Variants in NSMF observed in about 807,000 individuals in gnomAD.
NSMF encodes nasal embryonic LHRH factor.
A neutral mutation model predicts 71.0 loss-of-function variants in NSMF; 31 were observed. That is an observed-to-expected ratio of 0.44 (90% CI 0.33 to 0.59). The LOEUF is 0.59. Ranked by LOEUF, NSMF falls within the 20% of genes least tolerant of loss-of-function variation. The pLI is 0.04. For synonymous variants in NSMF, 345 were observed against 287.1 expected (o/e 1.20, Z -2.04); for missense variants, 673 against 740.5 (o/e 0.91, Z 1.06).
In NSMF at chr9:137,457,699, G is replaced by A. The variant is rs1041796056; in HGVS notation, c.336C>T (p.Pro112=). 1.5e-5 allele frequency: 24 copies of A among 1,552,284 alleles called. No homozygotes were observed. The highest frequency in any genetic ancestry group is 2.0e-5 in the Non-Finnish European group (23 of 1,148,034). Residue 112 remains proline, a synonymous_variant, in exon 3 of 16, where the codon CCC becomes CCT. Transcript: ENST00000371475. ...GCTCAATGGCCTCCGCCTCAGGGCT[G>A]GGCAGCAGGGCAGGCTCCCCAGAGA... ...YTISGEPALL[P]SPEAEAIELA...
chr9:137,454,363 C>A (rs910369482), intron 7 of NSMF, 28 bp downstream of exon 7: 4 of 1,546,752 alleles, frequency 2.6e-6, no homozygotes, highest in Non-Finnish European at 3.5e-6. Context: ...CAACGCCGCC[C>A]CCCCACCCCC....
chr9:137,457,455 C>G lies in NSMF; in HGVS notation c.580G>C (p.Gly194Arg), dbSNP rs751687962. ...ATCCTCTCCAGCTTCTTGCGGCGAC[C>G]GGAGGTCTCAGGCAGAGGTGGCTGG... ...LDQPPLPETS[G>R]RRKKLERMYS... The change falls in exon 3 of 16, where the codon GGT (glycine) becomes CGT (arginine). Residue 194 changes from glycine (G) to arginine (R), a missense_variant. By Grantham distance (125) the Gly-to-Arg change is moderately radical. Transcript: ENST00000371475. 6.8e-6 allele frequency: 11 copies of G among 1,612,740 alleles called. No individual in the cohort carries two copies. Among genetic ancestry groups the G allele is most frequent in the Admixed American group, 5.0e-5 (3 of 60,008 alleles).
At chr9:137,454,346 C>A (rs755350827) in intron 7 of NSMF, 45 bp downstream of exon 7, 1 of 1,535,088 alleles carries the variant, frequency 6.5e-7, no homozygotes, top group Admixed American at 2.0e-5. Flanking sequence ...CCCCAACCAG[C>A]CAAGCGCAAC....
rs546050718 is a variant in NSMF at position 137,453,318 on chromosome 9, C to T, written c.923-138G>A. ...AGTGGGAGGACCATACAGAGGTCGC[C>T]GCCAGCCCGGCAGGACAGGCCTGTG... On this transcript the variant is annotated intron_variant, in intron 8 of 15. Coordinates refer to ENST00000371475, the MANE Select transcript of NSMF (RefSeq NM_001130969.3). This position sits in a 1 kb window ranked among gnomAD's most constrained non-coding sequence, Gnocchi z 4.5. 106 of 1,261,238 alleles carry T rather than the reference C, an allele frequency of 8.4e-5. No individual in the cohort carries two copies. The African/African-American group carries it at 1.3e-3, about 16-fold the overall frequency. The allele number at this position is 1,261,238 out of a possible 1,614,324, so 78.1% of individuals were successfully genotyped here. A position where few individuals can be genotyped will look rare whatever the true frequency, so the allele number is the denominator to read the frequency against.
chr9:137,456,394 G>A lies in NSMF; in HGVS notation c.704+17C>T, dbSNP rs549865756. 9.7e-5 allele frequency: 156 copies of A among 1,602,778 alleles called. 3 individuals are homozygous for A. The South Asian group carries it at 1.4e-3, about 14-fold the overall frequency. On this transcript the variant is annotated intron_variant, in intron 4 of 15. Transcript: ENST00000371475. The stretch of plus-strand genomic sequence containing the variant: ...GACCACCCAACCCTGACCCCAAGTC[G>A]TGGGCACAAGACTCACGCTTGCATA...
At chr9:137,454,843 CCTGCAGGAGCCCCCT>C in intron 6 of NSMF, 1 of 1,144,892 alleles carries the variant, frequency 8.7e-7, no homozygotes, top group Non-Finnish European at 1.2e-6. Flanking sequence ...GGGCTGGGGG[CCTGCAGGAGCCCCCT>C]CTCCTGCTCT....
In NSMF at chr9:137,453,536, A is replaced by C. The variant is rs1366764175; in HGVS notation, c.922+195T>G. The C allele has an allele frequency of 2.9e-5, 18 of 610,412 alleles. No homozygotes were observed. Among genetic ancestry groups the C allele is most frequent in the African/African-American group, 2.2e-4 (12 of 53,988 alleles). The allele number at this position is 610,412 out of a possible 1,614,324, so 37.8% of individuals were successfully genotyped here. On this transcript the variant is annotated intron_variant, in intron 8 of 15. Transcript: ENST00000371475. The surrounding 1 kb of genome is among the most constrained non-coding windows in gnomAD (Gnocchi z 4.5). ...CACGGCCCTACAGGCGCCCCCGGCCAGCACTGCCGCGGCCGTTGTTAGCCC... is the reference window on the plus strand; with the variant it reads ...CACGGCCCTACAGGCGCCCCCGGCCCGCACTGCCGCGGCCGTTGTTAGCCC...
In NSMF at chr9:137,457,411, C is replaced by G; in HGVS notation, c.624G>C (p.Val208=). 2 of 1,612,936 alleles carry G rather than the reference C, an allele frequency of 1.2e-6. No individual in the cohort carries two copies. The highest frequency in any genetic ancestry group is 1.7e-6 in the Non-Finnish European group (2 of 1,180,008). The change falls in exon 3 of 16, where the codon GTG becomes GTC. Residue 208 remains valine (V), a synonymous_variant. Transcript: ENST00000371475. ...GCCCTGACACAAACCCCTCACCAGACACACGGTCAACGCTGTACATCCTCT... is the reference window on the plus strand; with the variant it reads ...GCCCTGACACAAACCCCTCACCAGAGACACGGTCAACGCTGTACATCCTCT... ...KLERMYSVDR[V]SDDIPIRTWF...
Position 137,453,523 on chromosome 9 carries a change from G to A in NSMF, c.922+208C>T. On this transcript the variant is annotated intron_variant, in intron 8 of 15. Coordinates refer to ENST00000371475, the MANE Select transcript of NSMF (RefSeq NM_001130969.3). The surrounding 1 kb of genome is among the most constrained non-coding windows in gnomAD (Gnocchi z 4.5). ...GAGTGGCGGTGGGCACGGCCCTACA[G>A]GCGCCCCCGGCCAGCACTGCCGCGG... 1 of 605,340 alleles carries A rather than the reference G, an allele frequency of 1.7e-6. No individual in the cohort carries two copies. The highest frequency in any genetic ancestry group is 2.9e-6 in the Non-Finnish European group (1 of 344,246). The allele number at this position is 605,340 out of a possible 1,614,324, so 37.5% of individuals were successfully genotyped here.
chr9:137,458,016 G>T, intron 2 of NSMF, 115 bp from the exon 3 acceptor site: 1 of 1,444,524 alleles, frequency 6.9e-7, no homozygotes, highest in Non-Finnish European at 9.4e-7. Context: ...TGGGGGACTA[G>T]GGCTGCCCAA....
chr9:137,456,078 T>C (rs1588507164), intron 4 of NSMF, among the ~76,000 whole-genome samples: 6 of 152,164 alleles, frequency 3.9e-5, no homozygotes, highest in Admixed American at 3.9e-4. Context: ...AGGCTTCTAT[T>C]TGGGGTTTGA....
rs1839671001 is a variant in NSMF, at chr9:137,447,689, C to T, written c.*1705G>A. The T allele has an allele frequency of 6.6e-6, 1 of 151,174 alleles. No individual in the cohort carries two copies. The highest frequency in any genetic ancestry group is 2.1e-4 in the South Asian group (1 of 4,726). 9.4% of individuals were successfully genotyped at this position (151,174 alleles called of 1,614,324 possible). A position where few individuals can be genotyped will look rare whatever the true frequency, so the allele number is the denominator to read the frequency against. Reference sequence around the variant, plus strand: ...TGGCTGACGGCTGTGTGACCACCCCCAGCACACTGGGCCTCAAGCCTGCCA... The same window carrying T: ...TGGCTGACGGCTGTGTGACCACCCCTAGCACACTGGGCCTCAAGCCTGCCA... On this transcript the variant is annotated 3_prime_UTR_variant, in exon 16 of 16. Coordinates refer to ENST00000371475, the MANE Select transcript of NSMF (RefSeq NM_001130969.3).
Position 137,449,821 on chromosome 9 carries a change from G to A in NSMF, c.1419+102C>T, listed in dbSNP as rs572240266. 787 of 1,330,378 alleles carry A rather than the reference G, an allele frequency of 5.9e-4. 3 individuals carry two copies. The African/African-American group carries it at 8.3e-3, about 14-fold the overall frequency. 82.4% of individuals were successfully genotyped at this position (1,330,378 alleles called of 1,614,324 possible). ...ATAAAGGATTTCTAGGGGAATGCCC[G>A]GGGGAAGGAAAAAAAATGCCAGGAA... On this transcript the variant is annotated intron_variant, in intron 14 of 15. Coordinates refer to ENST00000371475, the MANE Select transcript of NSMF (RefSeq NM_001130969.3).
Position 137,453,809 on chromosome 9 carries a change from G to T in NSMF, c.844C>A (p.Arg282=). The T allele has an allele frequency of 6.3e-7, 1 of 1,592,580 alleles. No individual in the cohort carries two copies. Among genetic ancestry groups the T allele is most frequent in the Non-Finnish European group, 8.5e-7 (1 of 1,175,952 alleles). ...GACCGGCTGAAGCTCCGCTCGCGCC[G>T]CTCAGCGAACGCTGCAGAGAGCAAA... ...RRVKAQTFAE[R]RERSFSRSWS... The change falls in exon 8 of 16, where the codon CGG becomes AGG. Residue 282 remains arginine, a synonymous_variant. Transcript: ENST00000371475. The surrounding 1 kb of genome is among the most constrained non-coding windows in gnomAD (Gnocchi z 4.5).
Position 137,449,144 on chromosome 9 carries a change from T to C in NSMF, c.*250A>G. 1 of 586,440 alleles carries C rather than the reference T, an allele frequency of 1.7e-6. No individual in the cohort carries two copies. Among genetic ancestry groups the C allele is most frequent in the South Asian group, 2.0e-5 (1 of 50,498 alleles). 36.3% of individuals were successfully genotyped at this position (586,440 alleles called of 1,614,324 possible). A position where few individuals can be genotyped will look rare whatever the true frequency, so the allele number is the denominator to read the frequency against. On this transcript the variant is annotated 3_prime_UTR_variant, in exon 16 of 16. Transcript: ENST00000371475. ...CTCCAGGCGAGGCATGGCAGGTCAG[T>C]GCCTGGCCGCTGAGCATCCACGGGC...
rs749334574 is a variant in NSMF at position 137,455,381 on chromosome 9, G to A, written c.711-74C>T. On this transcript the variant is annotated intron_variant, in intron 5 of 15. Coordinates refer to ENST00000371475, the MANE Select transcript of NSMF (RefSeq NM_001130969.3). ...GACACAGACGTCGGGACAGTGGTGC[G>A]AGCAGAGGGCCCAGCAGGGCGTCTG... 7 of 1,532,824 alleles carry A rather than the reference G, an allele frequency of 4.6e-6. No individual in the cohort carries two copies. In the Admixed American group the frequency reaches 5.1e-5, roughly 11 times the overall value. The allele number at this position is 1,532,824 out of a possible 1,614,324, so 95.0% of individuals were successfully genotyped here.
At position 137,453,041 on chromosome 9, in the gene NSMF, CGGGCT is replaced by C; in HGVS notation, c.1047+10_1047+14del. 2 of 1,611,922 alleles carry C rather than the reference CGGGCT, an allele frequency of 1.2e-6. No homozygotes were observed. Among genetic ancestry groups the C allele is most frequent in the Non-Finnish European group, 1.7e-6 (2 of 1,179,884 alleles). On this transcript the variant is annotated intron_variant, in intron 9 of 15. Coordinates refer to ENST00000371475, the MANE Select transcript of NSMF (RefSeq NM_001130969.3). The surrounding 1 kb of genome is among the most constrained non-coding windows in gnomAD (Gnocchi z 4.5). Reference sequence around the variant, plus strand: ...GCTCGGGGTGTAGAGGAGCACTGCCCGGGCTGGGCCTCACCATGACCTTTGGTGGC... The same window carrying C: ...GCTCGGGGTGTAGAGGAGCACTGCCCGGGCCTCACCATGACCTTTGGTGGC...
At chr9:137,455,492 C>T (rs73567206) in intron 5 of NSMF, 137 bp downstream of exon 5, 158 of 1,210,752 alleles carry the variant, frequency 1.3e-4, no homozygotes, top group African/African-American at 4.5e-4. Context: ...CCTCGGTGCC[C>T]GCTGGGAGCC....
At chr9:137,452,281 C>A in intron 12 of NSMF, 84 bp downstream of exon 12, 1 of 1,154,680 alleles carries the variant, frequency 8.7e-7, no homozygotes, top group Non-Finnish European at 1.2e-6. Flanking sequence ...CCCTTGGTCT[C>A]CCCCAACTTG....
Sources: gnomAD v4.1 joint callset for allele counts (sites outside exome capture counted in the v4.1 genomes callset) on GRCh38, gnomAD v4.1.1 for gene constraint, Gnocchi (gnomAD v3.1) non-coding constraint, MANE v1.5 for transcripts, NCBI Gene and HGNC (gene_info 2026-07-23, HGNC 2026-07-21) for gene names.